OIT3: variants seen among roughly 807,000 people sequenced by gnomAD.
The protein encoded by OIT3 is oncoprotein induced transcript 3, also known as oncoprotein-induced transcript 3 protein.
Under a neutral mutation model 52.2 loss-of-function variants are expected in OIT3, and 41 were observed. The observed-to-expected ratio is 0.79, with a 90% CI of 0.61 to 1.02. The LOEUF is 1.02. Among genes scored for constraint, OIT3 ranks in the 50% least tolerant of loss-of-function variants. The probability of loss-of-function intolerance (pLI) is 0.00; values close to 1 mark genes in which losing one functional copy is unlikely to be tolerated. For missense variants in OIT3, 634 were observed against 715.5 expected (o/e 0.89, Z 1.30); for synonymous variants, 244 against 276.9 (o/e 0.88, Z 1.18).
chr10:72,911,910 T>C, intron 5 of OIT3, 71 bp downstream of exon 5: 1 of 1,431,444 alleles, frequency 7.0e-7, no homozygotes, highest in Non-Finnish European at 9.5e-7. Flanking sequence ...CTCTTTGTCT[T>C]CCTCCCCCAA....
At chr10:72,919,412 C>T in intron 6 of OIT3, among the ~76,000 whole-genome samples, 1 of 152,152 alleles carries the variant, frequency 6.6e-6, no homozygotes, top group South Asian at 2.1e-4. Context: ...AGTTTGACTC[C>T]TCTCTTCCTA....
At chr10:72,895,844 G>T (rs1021181502) in intron 1 of OIT3, among the ~76,000 whole-genome samples, 2 of 152,106 alleles carry the variant, frequency 1.3e-5, no homozygotes, top group African/African-American at 4.8e-5. Context: ...TGAAGCCTTC[G>T]CACTGAGATG....
intron 7 of OIT3, among the ~76,000 whole-genome samples, chr10:72,925,975 T>C (rs1846166536): frequency 6.6e-6 from 1 of 152,238 alleles, no homozygotes; most frequent in Admixed American, 6.5e-5. Context: ...GATCTGTAGG[T>C]GTCCTGAGGT....
chr10:72,915,112 G>A (rs549530008), intron 6 of OIT3, among the ~76,000 whole-genome samples: 5 of 152,122 alleles, frequency 3.3e-5, no homozygotes, highest in South Asian at 2.1e-4. Context: ...GTGATCCACC[G>A]GCCTCAGACC....
intron 7 of OIT3, 74 bp downstream of exon 7, chr10:72,924,718 A>C: frequency 8.2e-7 from 1 of 1,217,784 alleles, no homozygotes; most frequent in Non-Finnish European, 1.1e-6. Flanking sequence ...ACACCCAGTC[A>C]TTTACTAAAA....
At chr10:72,918,516 T>C (rs1846093751) in intron 6 of OIT3, 8 of 1,416,026 alleles carry the variant, frequency 5.6e-6, no homozygotes, top group South Asian at 3.4e-5. Flanking sequence ...CTCATGTCCA[T>C]GTCCATCGAA....
intron 6 of OIT3, among the ~76,000 whole-genome samples, chr10:72,921,411 C>T (rs1462446183): frequency 5.3e-5 from 8 of 152,060 alleles, no homozygotes; most frequent in Non-Finnish European, 1.2e-4. Flanking sequence ...GGCATTTAGC[C>T]CATTTACATT....
chr10:72,904,325 C>T (rs767586127), intron 3 of OIT3, among the ~76,000 whole-genome samples: 11 of 152,074 alleles, frequency 7.2e-5, no homozygotes, highest in East Asian at 1.9e-4. Context: ...TTCTTTAACT[C>T]GCTGTCTGAG....
At chr10:72,923,549 A>G (rs1479621166) in intron 6 of OIT3, among the ~76,000 whole-genome samples, 1 of 151,456 alleles carries the variant, frequency 6.6e-6, no homozygotes, top group African/African-American at 2.4e-5. Flanking sequence ...GAGCTCTCCA[A>G]AGTCTGGAGG....
At chr10:72,896,653 T>C (rs1356789188) in intron 1 of OIT3, among the ~76,000 whole-genome samples, 7 of 152,366 alleles carry the variant, frequency 4.6e-5, no homozygotes, top group Middle Eastern at 3.4e-3. Context: ...ATTGTGGATA[T>C]GTAGATTGGA....
At chr10:72,920,294 G>T (rs1236742925) in intron 6 of OIT3, among the ~76,000 whole-genome samples, 1 of 152,072 alleles carries the variant, frequency 6.6e-6, no homozygotes, top group Non-Finnish European at 1.5e-5. Flanking sequence ...TATCATTTCT[G>T]ATTGTGTTTA....
At chr10:72,917,986 TATC>T (rs1386154036) in intron 6 of OIT3, 10 of 811,462 alleles carry the variant, frequency 1.2e-5, no homozygotes, top group African/African-American at 5.0e-5. Flanking sequence ...TCTTCATCAT[TATC>T]ATCATTATCT....
At chr10:72,920,372 G>A (rs1589528541) in intron 6 of OIT3, among the ~76,000 whole-genome samples, 1 of 151,726 alleles carries the variant, frequency 6.6e-6, no homozygotes, top group East Asian at 1.9e-4. Context: ...TAACTTTTTG[G>A]AAAAACCAGC....
At chr10:72,916,727 G>C (rs1198179478) in intron 6 of OIT3, among the ~76,000 whole-genome samples, 1 of 152,150 alleles carries the variant, frequency 6.6e-6, no homozygotes, top group African/African-American at 2.4e-5. Flanking sequence ...GGGTAGTTCT[G>C]TCTTCAGGTC....
chr10:72,898,865 T>C lies in OIT3; in HGVS notation c.263T>C (p.Leu88Pro). 1 of 1,614,170 alleles carries C rather than the reference T, an allele frequency of 6.2e-7. No homozygotes were observed. The highest frequency in any genetic ancestry group is 8.5e-7 in the Non-Finnish European group (1 of 1,180,014). ...NHCGTHAPVWLNGSHPLEGDG... is the reference protein window; with the variant it reads ...NHCGTHAPVWPNGSHPLEGDG... ...TGTGGAACCCACGCACCTGTCTGGC[T>C]CAATGGCAGCCACCCCCTAGAAGGC... Residue 88 changes from leucine to proline, a missense_variant, in exon 2 of 9, where the codon CTC becomes CCC. Leu to Pro is a moderately conservative substitution (Grantham distance 98). Coordinates refer to ENST00000334011, the MANE Select transcript of OIT3 (RefSeq NM_152635.3).
At chr10:72,925,199 A>G (rs1846160071) in intron 7 of OIT3, among the ~76,000 whole-genome samples, 1 of 152,106 alleles carries the variant, frequency 6.6e-6, no homozygotes, top group African/African-American at 2.4e-5. Context: ...AAAGATGTAT[A>G]TAGAAAAGCA....
rs1187648295 is a variant in OIT3, at chr10:72,924,297, C to T, written c.1020C>T (p.Ser340=). ...TACCCAAGCAGACCCCGGGGAGCAG[C>T]GGGGACTTCATCATCCGAACCAGCA... is the stretch of plus-strand genomic sequence containing the variant. ...TGLPKQTPGS[S]GDFIIRTSKL... is the part of the protein sequence containing the mutation. The change falls in exon 7 of 9, where the codon AGC becomes AGT. Residue 340 remains serine (S), a synonymous_variant. Coordinates refer to ENST00000334011, the MANE Select transcript of OIT3 (RefSeq NM_152635.3). 3.7e-6 allele frequency: 6 copies of T among 1,613,806 alleles called. No homozygotes were observed. In the African/African-American group the frequency reaches 4.0e-5, roughly 11 times the overall value.
chr10:72,917,546 C>T, intron 6 of OIT3: 1 of 661,904 alleles, frequency 1.5e-6, no homozygotes, highest in Non-Finnish European at 2.8e-6. Context: ...AAAGTTCTCA[C>T]TCTGCATTAT....
intron 3 of OIT3, among the ~76,000 whole-genome samples, chr10:72,905,921 A>G (rs997501978): frequency 1.3e-5 from 2 of 152,160 alleles, no homozygotes; most frequent in African/African-American, 2.4e-5. Context: ...TCCTTGGTTT[A>G]TGTCCTATCT....
Sources: gnomAD v4.1 joint callset for allele counts (sites outside exome capture counted in the v4.1 genomes callset) on GRCh38, gnomAD v4.1.1 for gene constraint, MANE v1.5 for transcripts, NCBI Gene and HGNC (gene_info 2026-07-23, HGNC 2026-07-21) for gene names.